REV3L: variants seen among roughly 807,000 people sequenced by gnomAD.
The protein encoded by REV3L is REV3 like, DNA directed polymerase zeta catalytic subunit, also known as DNA polymerase zeta catalytic subunit.
In REV3L, 69 loss-of-function variants were observed where a neutral mutation model predicts 299.4. That is an observed-to-expected ratio of 0.23 (90% CI 0.19 to 0.28). The LOEUF (loss-of-function observed/expected upper bound fraction) is 0.28. REV3L is among the 10% of genes least tolerant of loss of function. The pLI is 1.00. For missense variants in REV3L, 3,128 were observed against 3,693.8 expected (o/e 0.85, Z 3.97); for synonymous variants, 1,238 against 1,271.4 (o/e 0.97, Z 0.56).
chr6:111,322,071 C>A (rs1314199729), intron 26 of REV3L, among the ~76,000 whole-genome samples: 3 of 152,120 alleles, frequency 2.0e-5, no homozygotes, highest in East Asian at 3.8e-4. Context: ...AGTCTGTGGA[C>A]CCTCTGGAAT....
chr6:111,302,832 G>GC (rs1333451635), intron 31 of REV3L, among the ~76,000 whole-genome samples: 31 of 152,160 alleles, frequency 2.0e-4, no homozygotes. Flanking sequence ...AACCTGGAAG[G>GC]CAGAGGTTGC....
chr6:111,388,947 A>G (rs902910890), intron 7 of REV3L, among the ~76,000 whole-genome samples, 159 bp downstream of exon 7: 4 of 152,248 alleles, frequency 2.6e-5, no homozygotes, highest in African/African-American at 9.6e-5. Flanking sequence ...CTGTAAAGAT[A>G]AATAGTGGCT....
intron 16 of REV3L, among the ~76,000 whole-genome samples, 174 bp from the exon 17 acceptor site, chr6:111,359,188 A>G (rs907295353): frequency 6.6e-6 from 1 of 152,180 alleles, no homozygotes; most frequent in Non-Finnish European, 1.5e-5. Context: ...TTTAATCCCA[A>G]GATTAGATTA....
chr6:111,419,139 C>T (rs545010677), intron 1 of REV3L, among the ~76,000 whole-genome samples: 1 of 152,168 alleles, frequency 6.6e-6, no homozygotes, highest in Non-Finnish European at 1.5e-5. Context: ...TCAACACAGA[C>T]GTACCTCTCT....
chr6:111,333,022 T>C, intron 23 of REV3L, 101 bp downstream of exon 23: 2 of 1,364,966 alleles, frequency 1.5e-6, no homozygotes, highest in South Asian at 1.4e-5. Flanking sequence ...ATCTTGCTCA[T>C]AGGGAAGGTG....
intron 3 of REV3L, among the ~76,000 whole-genome samples, chr6:111,409,060 GAAC>G (rs1290046380): frequency 3.3e-4 from 50 of 152,204 alleles, no homozygotes; most frequent in African/African-American, 1.1e-3. Context: ...TTCAAAACAA[GAAC>G]AACTTAGTGA....
chr6:111,367,122 T>A lies in REV3L; in HGVS notation c.6666A>T (p.Leu2222Phe), dbSNP rs754987725. The A allele has an allele frequency of 6.3e-7, 1 of 1,575,484 alleles. No homozygotes were observed. The highest frequency in any genetic ancestry group is 1.2e-5 in the South Asian group (1 of 84,080). ...TGTTATTTGTACACTTACCTGTTGA[T>A]AATGGGCTAAGGCCAGGTGCTTCAG... ...RLPEAPGLSP[L>F]STEPKTQKLS... is the part of the protein sequence containing the mutation. Residue 2222 changes from leucine to phenylalanine, a missense_variant, in exon 14 of 32, where the codon TTA (leucine) becomes TTT (phenylalanine). Transcript: ENST00000368802.
intron 30 of REV3L, 65 bp from the exon 31 acceptor site, chr6:111,307,635 C>A (rs2114707906): frequency 6.8e-7 from 1 of 1,470,000 alleles, no homozygotes; most frequent in Non-Finnish European, 9.5e-7. Flanking sequence ...TATTTTCATG[C>A]TAATTACAGG....
chr6:111,326,915 T>C (rs893914752), intron 25 of REV3L, among the ~76,000 whole-genome samples: 1 of 152,200 alleles, frequency 6.6e-6, no homozygotes, highest in African/African-American at 2.4e-5. Flanking sequence ...TTTCCACTCA[T>C]GATTTCACCT....
Position 111,307,424 on chromosome 6 carries a change from A to G in REV3L, c.9189T>C (p.His3063=), listed in dbSNP as rs1772440787. ...ICSKCRSQPQ[H]VAVILNQEIR... ...TTTCTTGGTTGAGGATGACTGCAAC[A>G]TGCTGAGGTTGGCTCCGACATTTAC... Residue 3063 remains histidine, a synonymous_variant, in exon 31 of 32, where the codon CAT becomes CAC. Transcript: ENST00000368802. The G allele has an allele frequency of 1.2e-6, 2 of 1,614,212 alleles. No homozygotes were observed. The highest frequency in any genetic ancestry group is 1.7e-5 in the Admixed American group (1 of 60,018).
chr6:111,419,913 C>T (rs1042461410), intron 1 of REV3L, among the ~76,000 whole-genome samples: 9 of 151,732 alleles, frequency 5.9e-5, no homozygotes, highest in Admixed American at 3.9e-4. Flanking sequence ...GTTGCGATCT[C>T]GGCTTGCTGC....
At chr6:111,473,585 ATAATC>A (rs1435073680) in intron 1 of REV3L, among the ~76,000 whole-genome samples, 1 of 151,838 alleles carries the variant, frequency 6.6e-6, no homozygotes, top group East Asian at 1.9e-4. Context: ...GAATCCTACT[ATAATC>A]TATTCTAGAT....
intron 1 of REV3L, among the ~76,000 whole-genome samples, chr6:111,420,918 A>G (rs965984981): frequency 6.6e-6 from 1 of 152,158 alleles, no homozygotes; most frequent in Non-Finnish European, 1.5e-5. Context: ...AGGCAGGTAG[A>G]TCACGAGGTC....
At position 111,299,430 on chromosome 6, in the gene REV3L, C is replaced by T. The variant is rs979974172; in HGVS notation, c.*586G>A. On this transcript the variant is annotated 3_prime_UTR_variant, in exon 32 of 32. Transcript: ENST00000368802. ...AAAAAAATAATGTTTCAAAATGCTACACGTGGTACTACTGTTTGCACAGTT... is the reference window on the plus strand; with the variant it reads ...AAAAAAATAATGTTTCAAAATGCTATACGTGGTACTACTGTTTGCACAGTT... 3.9e-5 allele frequency: 6 copies of T among 152,510 alleles called. No individual in the cohort carries two copies. The highest frequency in any genetic ancestry group is 1.4e-4 in the African/African-American group (6 of 41,442). The allele number at this position is 152,510 out of a possible 1,614,324, so 9.4% of individuals were successfully genotyped here.
rs1257790941 is a variant in REV3L, at chr6:111,375,571, C to T, written c.2784G>A (p.Glu928=). The T allele has an allele frequency of 1.2e-6, 2 of 1,613,642 alleles. No individual in the cohort carries two copies. Among genetic ancestry groups the T allele is most frequent in the Admixed American group, 1.7e-5 (1 of 59,988 alleles). The change falls in exon 13 of 32, where the codon GAG becomes GAA. Residue 928 remains glutamate, a synonymous_variant. Coordinates refer to ENST00000368802, the MANE Select transcript of REV3L (RefSeq NM_001372078.1). ...CAAAACTTGACTCACTGTCTTCAGT[C>T]TCATAATTTACCTTGCGTTTGGCTC... The part of the protein sequence containing the change: ...TLRAKRKVNY[E]TEDSESSFVT...
Position 111,374,441 on chromosome 6 carries a change from G to A in REV3L, c.3914C>T (p.Ser1305Phe), listed in dbSNP as rs1780097718. ...CFSSFLESKKSVDLQTFPSSR... is the reference protein window; with the variant it reads ...CFSSFLESKKFVDLQTFPSSR... ...ACTGGGGAATGTCTGCAAATCTACA[G>A]ACTTCTTGCTTTCTAAGAAAGAAGA... Residue 1305 changes from serine (S) to phenylalanine (F), a missense_variant, in exon 13 of 32, where the codon TCT becomes TTT. By Grantham distance (155) the Ser-to-Phe change is radical. Around this residue, in one of 9 missense-constraint regions of REV3L, gnomAD observed 2,409 missense variants for 2,611.8 expected, o/e 0.92. Transcript: ENST00000368802. 6.2e-7 allele frequency: 1 copy of A among 1,613,836 alleles called. No homozygotes were observed. The highest frequency in any genetic ancestry group is 8.5e-7 in the Non-Finnish European group (1 of 1,179,940).
Position 111,455,574 on chromosome 6 carries a change from G to C in REV3L, c.139+27176C>G, listed in dbSNP as rs17510457. On this transcript the variant is annotated intron_variant, in intron 1 of 31. Coordinates refer to ENST00000368802, the MANE Select transcript of REV3L (RefSeq NM_001372078.1). ...CTGAATTTGAAAACAGGTAAAGTTA[G>C]AGACAAACTGGGAGGCTATTATGAT... Among the ~76,000 whole-genome samples, 336 of 152,208 alleles carry C rather than the reference G, an allele frequency of 2.2e-3. 1 individual carries two copies. Among genetic ancestry groups the C allele is most frequent in the African/African-American group, 7.3e-3 (305 of 41,554 alleles).
At chr6:111,318,093 C>T (rs1483495008) in intron 26 of REV3L, among the ~76,000 whole-genome samples, 3 of 145,468 alleles carry the variant, frequency 2.1e-5, no homozygotes. Context: ...TTTCTTTTTT[C>T]TTTTTTTTTT....
intron 24 of REV3L, among the ~76,000 whole-genome samples, chr6:111,330,754 A>T (rs1175129523): frequency 1.1e-4 from 16 of 152,218 alleles, no homozygotes; most frequent in Non-Finnish European, 5.9e-5. Context: ...TGACTGGAAA[A>T]CTGATTTTTA....
Sources: allele counts gnomAD v4.1 joint callset (sites outside exome capture counted in the v4.1 genomes callset), GRCh38; gene constraint gnomAD v4.1.1; regional missense constraint gnomAD v4.1.1; transcripts MANE v1.5; gene names NCBI Gene and HGNC (gene_info 2026-07-23, HGNC 2026-07-21).